The following MAGI3 variants were observed in gnomAD, a reference collection of about 807,000 sequenced individuals.
The protein encoded by MAGI3 is membrane-associated guanylate kinase, WW and PDZ domain-containing protein 3.
Under a neutral mutation model 121.8 loss-of-function variants are expected in MAGI3, and 43 were observed. The observed-to-expected ratio is 0.35, with a 90% confidence interval of 0.28 to 0.46. MAGI3 has a LOEUF of 0.46. MAGI3 is among the 20% of genes least tolerant of loss of function. The probability of loss-of-function intolerance (pLI) is 1.00; values close to 1 mark genes in which losing one functional copy is unlikely to be tolerated. For missense variants in MAGI3, 1,547 were observed against 1,797.3 expected, an observed-to-expected ratio of 0.86 and a Z score of 2.52; for synonymous variants, 553 against 639.3, an observed-to-expected ratio of 0.86 and a Z score of 2.04.
chr1:113,650,902 C>T, intron 13 of MAGI3, 112 bp from the exon 14 acceptor site: 1 of 906,358 alleles, frequency 1.1e-6, no homozygotes, highest in Non-Finnish European at 1.7e-6. Flanking sequence ...TAACTGTTTT[C>T]ATAGTTGAAC....
chr1:113,652,684 T>C (rs1423793799), intron 14 of MAGI3, among the ~76,000 whole-genome samples: 1 of 152,162 alleles, frequency 6.6e-6, no homozygotes, highest in East Asian at 1.9e-4. Flanking sequence ...AAAAACATAT[T>C]CTTAAAACCA....
At chr1:113,430,946 A>G (rs1036242442) in intron 1 of MAGI3, among the ~76,000 whole-genome samples, 3 of 152,212 alleles carry the variant, frequency 2.0e-5, no homozygotes, top group Non-Finnish European at 4.4e-5. Context: ...CATTTAAAAC[A>G]TATTTGATTT....
intron 1 of MAGI3, among the ~76,000 whole-genome samples, chr1:113,423,952 A>G (rs1194056421): frequency 6.6e-6 from 1 of 152,168 alleles, no homozygotes; most frequent in African/African-American, 2.4e-5. Flanking sequence ...CACCCGGCCT[A>G]GTTGTGAGCC....
intron 9 of MAGI3, among the ~76,000 whole-genome samples, chr1:113,623,701 A>G (rs1028650259): frequency 6.6e-6 from 1 of 152,002 alleles, no homozygotes; most frequent in Non-Finnish European, 1.5e-5. Flanking sequence ...GTTAGCCAGG[A>G]TGGTCTGGAT....
intron 2 of MAGI3, among the ~76,000 whole-genome samples, chr1:113,562,418 A>G (rs1660277170): frequency 6.6e-6 from 1 of 152,204 alleles, no homozygotes; most frequent in Non-Finnish European, 1.5e-5. Context: ...AAGAAATCAG[A>G]GATGATGACA....
chr1:113,555,240 A>C (rs1659939528), intron 2 of MAGI3, among the ~76,000 whole-genome samples: 4 of 152,248 alleles, frequency 2.6e-5, no homozygotes. Context: ...ATACACTGTA[A>C]GAAATATTAA....
intron 1 of MAGI3, among the ~76,000 whole-genome samples, chr1:113,510,355 CTTT>C (rs34379798): frequency 7.5e-6 from 1 of 133,400 alleles, no homozygotes. Context: ...TAGGCCTTGA[CTTT>C]TTTTTTTTTT....
intron 12 of MAGI3, among the ~76,000 whole-genome samples, chr1:113,647,193 A>G (rs1011463639): frequency 2.6e-5 from 4 of 152,216 alleles, no homozygotes; most frequent in African/African-American, 7.2e-5. Context: ...CTGGCCTTGC[A>G]TGACTTGGGC....
At chr1:113,435,966 A>G (rs1303767647) in intron 1 of MAGI3, among the ~76,000 whole-genome samples, 3 of 152,140 alleles carry the variant, frequency 2.0e-5, no homozygotes, top group Non-Finnish European at 4.4e-5. Flanking sequence ...TCTTTGTGTC[A>G]TATATTGTTG....
chr1:113,656,937 G>A (rs1373772350), intron 15 of MAGI3, among the ~76,000 whole-genome samples: 2 of 152,066 alleles, frequency 1.3e-5, no homozygotes, highest in East Asian at 1.9e-4. Context: ...AAGAAGACTC[G>A]GCTAGTTTTT....
chr1:113,562,159 A>C (rs1660265718), intron 2 of MAGI3, among the ~76,000 whole-genome samples: 1 of 152,220 alleles, frequency 6.6e-6, no homozygotes, highest in Non-Finnish European at 1.5e-5. Flanking sequence ...TAATCCCAGC[A>C]CTTTGGGAGG....
At chr1:113,508,240 A>G (rs1428457271) in intron 1 of MAGI3, among the ~76,000 whole-genome samples, 2 of 152,220 alleles carry the variant, frequency 1.3e-5, no homozygotes, top group Admixed American at 1.3e-4. Flanking sequence ...TAAACATGGG[A>G]AATGTACATT....
In MAGI3 at chr1:113,649,315, G is replaced by T; in HGVS notation, c.2234G>T (p.Gly745Val). 3.7e-6 allele frequency: 6 copies of T among 1,610,522 alleles called. No individual in the cohort carries two copies. Among genetic ancestry groups the T allele is most frequent in the Non-Finnish European group, 5.1e-6 (6 of 1,178,100 alleles). The change falls in exon 13 of 21, where the codon GGA becomes GTA. Residue 745 changes from glycine to valine, a missense_variant. By Grantham distance (109) the Gly-to-Val change is moderately radical (BLOSUM62 -3). Coordinates refer to ENST00000307546, the MANE Select transcript of MAGI3 (RefSeq NM_001142782.2). ...GFGFRVLGGD[G>V]PDQSIYIGAI... The stretch of plus-strand genomic sequence containing the variant: ...GGCTTCAGGGTGCTAGGAGGAGATG[G>T]ACCTGACCAGTCTGTAAGTGTCACT...
intron 1 of MAGI3, among the ~76,000 whole-genome samples, chr1:113,418,589 TTCTC>T (rs1652574771): frequency 6.6e-6 from 1 of 152,134 alleles, no homozygotes; most frequent in Admixed American, 6.6e-5. Context: ...GTCTTCTTCT[TTCTC>T]TTTTTTTAAT....
At chr1:113,457,711 T>C (rs1570704190) in intron 1 of MAGI3, among the ~76,000 whole-genome samples, 1 of 152,124 alleles carries the variant, frequency 6.6e-6, no homozygotes, top group African/African-American at 2.4e-5. Flanking sequence ...ATAAATAAGA[T>C]AAATTTAATT....
At chr1:113,476,914 G>A (rs1350731523) in intron 1 of MAGI3, among the ~76,000 whole-genome samples, 3 of 152,162 alleles carry the variant, frequency 2.0e-5, no homozygotes, top group Non-Finnish European at 4.4e-5. Context: ...CTCCTGGATT[G>A]GGTGCATATG....
chr1:113,512,390 T>C (rs1330555510), intron 1 of MAGI3, among the ~76,000 whole-genome samples: 1 of 152,202 alleles, frequency 6.6e-6, no homozygotes, highest in Non-Finnish European at 1.5e-5. Flanking sequence ...TATTTTGGAG[T>C]GTTCTATTTG....
intron 7 of MAGI3, among the ~76,000 whole-genome samples, chr1:113,617,179 A>G (rs935420062): frequency 1.3e-5 from 2 of 152,198 alleles, no homozygotes; most frequent in African/African-American, 2.4e-5. Flanking sequence ...GTGAGCTACC[A>G]TGCCCAGCCA....
At chr1:113,433,207 T>C (rs1325642677) in intron 1 of MAGI3, among the ~76,000 whole-genome samples, 1 of 152,146 alleles carries the variant, frequency 6.6e-6, no homozygotes, top group Non-Finnish European at 1.5e-5. Context: ...AGGCTGACAG[T>C]TGGCATTATG....
Sources: gnomAD v4.1 joint callset for allele counts (sites outside exome capture counted in the v4.1 genomes callset) on GRCh38, gnomAD v4.1.1 for gene constraint, MANE v1.5 for transcripts, NCBI Gene and HGNC (gene_info 2026-07-23, HGNC 2026-07-21) for gene names.